HS2ST1: variants seen among roughly 807,000 people sequenced by gnomAD.
HS2ST1 encodes 2-O-sulfotransferase.
HS2ST1 carries 18 observed loss-of-function variants against 42.9 expected under a neutral mutation model. The observed-to-expected ratio is 0.42, with a 90% CI of 0.29 to 0.62. HS2ST1 has a LOEUF of 0.62. Among genes scored for constraint, HS2ST1 ranks in the 20% least tolerant of loss-of-function variants. The probability of loss-of-function intolerance (pLI) is 0.21; values close to 1 mark genes in which losing one functional copy is unlikely to be tolerated. For synonymous variants in HS2ST1, 146 were observed against 152.9 expected (o/e 0.95, Z 0.33); for missense variants, 334 against 433.8 (o/e 0.77, Z 2.04).
intron 1 of HS2ST1, among the ~76,000 whole-genome samples, chr1:86,985,531 C>T (rs12035011): frequency 3.6e-4 from 13 of 36,532 alleles, no homozygotes; most frequent in African/African-American, 8.4e-4. Context: ...CATATATATA[C>T]ATATATATAC....
At chr1:86,929,616 G>A (rs1660499112) in intron 1 of HS2ST1, among the ~76,000 whole-genome samples, 1 of 151,702 alleles carries the variant, frequency 6.6e-6, no homozygotes, top group African/African-American at 2.4e-5. Context: ...TTGTGATGGA[G>A]TTTTTGCATG....
At chr1:86,954,391 G>A (rs1647618690) in intron 1 of HS2ST1, among the ~76,000 whole-genome samples, 1 of 152,114 alleles carries the variant, frequency 6.6e-6, no homozygotes, top group Non-Finnish European at 1.5e-5. Flanking sequence ...GACGTGAAGT[G>A]CAATAAAATC....
chr1:86,954,055 A>T (rs1297419867), intron 1 of HS2ST1, among the ~76,000 whole-genome samples: 2 of 149,140 alleles, frequency 1.3e-5, no homozygotes, highest in Non-Finnish European at 3.0e-5. Context: ...AAAAAAAAAA[A>T]AAAAAAAAAA....
chr1:86,998,466 C>G (rs1408294520), intron 1 of HS2ST1, among the ~76,000 whole-genome samples: 1 of 152,132 alleles, frequency 6.6e-6, no homozygotes, highest in Non-Finnish European at 1.5e-5. Flanking sequence ...ATACACTGAG[C>G]GAATTTTTAT....
intron 1 of HS2ST1, among the ~76,000 whole-genome samples, chr1:86,955,047 G>A (rs769371949): frequency 3.3e-5 from 5 of 152,132 alleles, no homozygotes; most frequent in Admixed American, 1.3e-4. Flanking sequence ...GCAGTGAGCC[G>A]TGATCGTGAG....
intron 5 of HS2ST1, among the ~76,000 whole-genome samples, chr1:87,101,366 A>G (rs1474490235): frequency 2.0e-5 from 3 of 151,232 alleles, no homozygotes; most frequent in East Asian, 1.9e-4. Flanking sequence ...GGGTTTCGCT[A>G]TGTTGGCCAG....
intron 1 of HS2ST1, among the ~76,000 whole-genome samples, chr1:86,941,542 C>T (rs547234749): frequency 1.8e-4 from 28 of 152,106 alleles, no homozygotes; most frequent in African/African-American, 5.3e-4. Context: ...GAGGCTGAGG[C>T]GGGTGGATCA....
chr1:87,047,542 C>G (rs1650715851), intron 1 of HS2ST1, among the ~76,000 whole-genome samples: 1 of 151,934 alleles, frequency 6.6e-6, no homozygotes, highest in Non-Finnish European at 1.5e-5. Flanking sequence ...AATTTTAGCT[C>G]TTATATTTAG....
chr1:86,921,103 A>G (rs1216142465), intron 1 of HS2ST1, among the ~76,000 whole-genome samples: 1 of 152,186 alleles, frequency 6.6e-6, no homozygotes, highest in African/African-American at 2.4e-5. Context: ...AAAAAAAACT[A>G]TCTTGGTAAA....
At chr1:87,070,061 AAT>A (rs1651363415) in intron 1 of HS2ST1, among the ~76,000 whole-genome samples, 1 of 152,136 alleles carries the variant, frequency 6.6e-6, no homozygotes, top group Non-Finnish European at 1.5e-5. Flanking sequence ...ATTGTAAGTG[AAT>A]CTTTTTTTTT....
At chr1:87,075,371 TAGTC>T (rs1200002824) in intron 2 of HS2ST1, among the ~76,000 whole-genome samples, 1 of 152,110 alleles carries the variant, frequency 6.6e-6, no homozygotes, top group Non-Finnish European at 1.5e-5. Flanking sequence ...CTCACCGTGT[TAGTC>T]AGGCTGGTCA....
chr1:86,926,861 C>T (rs924726798), intron 1 of HS2ST1, among the ~76,000 whole-genome samples: 3 of 152,202 alleles, frequency 2.0e-5, no homozygotes, highest in Non-Finnish European at 4.4e-5. Context: ...GAGACTTATC[C>T]ATGATAGTCC....
Position 87,089,624 on chromosome 1 carries a change from C to T in HS2ST1, c.450-2907C>T, listed in dbSNP as rs79425128. On this transcript the variant is annotated intron_variant, in intron 3 of 6. Transcript: ENST00000370550. Reference sequence around the variant, plus strand: ...CTGGCTGAGCTGTGTGGTCCAGTTGCTATTTTTAATCATGCCCATTATCTG... The same window carrying T: ...CTGGCTGAGCTGTGTGGTCCAGTTGTTATTTTTAATCATGCCCATTATCTG... 7.7e-3 allele frequency among the ~76,000 whole-genome samples: 1,177 copies of T among 152,122 alleles called. 23 individuals are homozygous for T. The highest frequency in any genetic ancestry group is 0.028 in the African/African-American group (1,145 of 41,526).
At position 87,067,034 on chromosome 1, in the gene HS2ST1, GTGTGCA is replaced by G. The variant is rs1448560072; in HGVS notation, c.125-5895_125-5890del. On this transcript the variant is annotated intron_variant, in intron 1 of 6. Transcript: ENST00000370550. ...TAAACAGTGCCACAGTAAAACATAC[GTGTGCA>G]TGTGTCTTTATAGTAGAATAATTTA... Among the ~76,000 whole-genome samples the G allele has an allele frequency of 2.0e-5, 3 of 152,198 alleles. No homozygotes were observed. The East Asian group carries it at 5.8e-4, about 29-fold the overall frequency.
intron 4 of HS2ST1, 139 bp from the exon 5 acceptor site, chr1:87,097,699 A>G: frequency 1.0e-6 from 1 of 969,772 alleles, no homozygotes; most frequent in East Asian, 2.7e-5. Context: ...ACTGTGATTA[A>G]TTTACATGAC....
chr1:87,085,025 C>G (rs1361437889), intron 3 of HS2ST1, among the ~76,000 whole-genome samples: 1 of 152,152 alleles, frequency 6.6e-6, no homozygotes, highest in Non-Finnish European at 1.5e-5. Context: ...ATGTGGCTTT[C>G]TGTACAGTCT....
chr1:86,921,656 A>T (rs1262899775), intron 1 of HS2ST1, among the ~76,000 whole-genome samples: 1 of 151,960 alleles, frequency 6.6e-6, no homozygotes, highest in Non-Finnish European at 1.5e-5. Context: ...TCTACCCCCA[A>T]CCATGTGAGG....
chr1:86,968,007 A>G (rs2102205756), intron 1 of HS2ST1, among the ~76,000 whole-genome samples: 1 of 152,362 alleles, frequency 6.6e-6, no homozygotes, highest in South Asian at 2.1e-4. Flanking sequence ...ATAAGGTGAT[A>G]TCTCATTGCG....
intron 2 of HS2ST1, among the ~76,000 whole-genome samples, chr1:87,075,309 G>A (rs1210884156): frequency 1.3e-5 from 2 of 151,524 alleles, no homozygotes; most frequent in African/African-American, 4.9e-5. Flanking sequence ...GAGGATTATA[G>A]GCATGCGCCA....
Sources: allele counts gnomAD v4.1 joint callset (sites outside exome capture counted in the v4.1 genomes callset), GRCh38; gene constraint gnomAD v4.1.1; transcripts MANE v1.5; gene names NCBI Gene and HGNC (gene_info 2026-07-23, HGNC 2026-07-21).